Variants in THSD4 observed in about 807,000 individuals in gnomAD.
THSD4 encodes thrombospondin type 1 domain containing 4.
In THSD4, 69 loss-of-function variants were observed where a neutral mutation model predicts 119.0. The ratio of observed to expected loss-of-function variants is 0.58; its 90% CI spans 0.48 to 0.71. THSD4 has a LOEUF of 0.71. THSD4 is among the 30% of genes least tolerant of loss of function. The probability of loss-of-function intolerance (pLI) is 0.00; values close to 1 mark genes in which losing one functional copy is unlikely to be tolerated. For synonymous variants in THSD4, 524 were observed against 540.4 expected (o/e 0.97, Z 0.42); for missense variants, 1,393 against 1,391.1 (o/e 1.00, Z -0.02).
intron 7 of THSD4, among the ~76,000 whole-genome samples, chr15:71,536,788 T>G (rs1164371484): frequency 6.6e-6 from 1 of 152,184 alleles, no homozygotes; most frequent in Admixed American, 6.5e-5. Context: ...TGATGTGTTT[T>G]GAGTTAATTT....
intron 8 of THSD4, among the ~76,000 whole-genome samples, chr15:71,676,193 T>A (rs538964908): frequency 1.3e-5 from 2 of 152,370 alleles, no homozygotes; most frequent in South Asian, 4.1e-4. Context: ...TGTGGTAAAA[T>A]ATATATAAAC....
intron 8 of THSD4, among the ~76,000 whole-genome samples, chr15:71,703,334 TA>T (rs1304975216): frequency 6.6e-6 from 1 of 152,210 alleles, no homozygotes; most frequent in African/African-American, 2.4e-5. Context: ...TATTATTATT[TA>T]ATTTTTCTGT....
At chr15:71,661,203 ATAG>A (rs969130077) in intron 8 of THSD4, among the ~76,000 whole-genome samples, 3 of 152,142 alleles carry the variant, frequency 2.0e-5, no homozygotes, top group African/African-American at 7.2e-5. Context: ...AGACCTATAC[ATAG>A]TAGTGTGCAT....
chr15:71,383,495 C>T (rs531850567), intron 6 of THSD4, among the ~76,000 whole-genome samples: 28 of 152,106 alleles, frequency 1.8e-4, no homozygotes, highest in Non-Finnish European at 2.8e-4. Flanking sequence ...TGATATATTG[C>T]GATATAAATT....
chr15:71,538,014 C>T (rs2048709216), intron 7 of THSD4, among the ~76,000 whole-genome samples: 1 of 152,104 alleles, frequency 6.6e-6, no homozygotes, highest in Non-Finnish European at 1.5e-5. Flanking sequence ...CCTACCTCGG[C>T]CTTCCAAAGT....
chr15:71,274,985 C>T (rs1014841690), intron 6 of THSD4, among the ~76,000 whole-genome samples: 1 of 152,074 alleles, frequency 6.6e-6, no homozygotes, highest in Non-Finnish European at 1.5e-5. Flanking sequence ...TACTGAGACC[C>T]GATCCTATTG....
At chr15:71,548,209 C>G (rs11632053) in intron 7 of THSD4, among the ~76,000 whole-genome samples, 32,809 of 151,580 alleles carry the variant, frequency 0.22, 3,665 homozygotes, top group Non-Finnish European at 0.24. Flanking sequence ...CTTGGTGTAT[C>G]CACCCTCACC....
At position 71,468,532 on chromosome 15, in the gene THSD4, A is replaced by G. The variant is rs1220252300; in HGVS notation, c.1152+56709A>G. Among the ~76,000 whole-genome samples the G allele has an allele frequency of 2.6e-5, 4 of 152,010 alleles. 1 individual carries two copies. The highest frequency in any genetic ancestry group is 9.7e-5 in the African/African-American group (4 of 41,366). On this transcript the variant is annotated intron_variant, in intron 7 of 17. Transcript: ENST00000261862. ...CCTTCAAGGGCTCAGCCCTCACTTC[A>G]CTCCCTTGTTCCTATTTCCTATTAA...
intron 6 of THSD4, among the ~76,000 whole-genome samples, chr15:71,330,877 AAC>A (rs2045411401): frequency 6.6e-6 from 1 of 152,096 alleles, no homozygotes; most frequent in African/African-American, 2.4e-5. Flanking sequence ...TTTCAAATAA[AAC>A]AGACACCAGT....
At chr15:71,125,603 G>T (rs1204489436) in intron 1 of THSD4, among the ~76,000 whole-genome samples, 1 of 152,240 alleles carries the variant, frequency 6.6e-6, no homozygotes, top group Admixed American at 6.5e-5. Flanking sequence ...GCTGTGCTGA[G>T]ACCGCGGCTG....
chr15:71,345,233 A>G (rs1474631581), intron 6 of THSD4, among the ~76,000 whole-genome samples: 2 of 151,694 alleles, frequency 1.3e-5, no homozygotes, highest in Admixed American at 1.3e-4. Context: ...AAAGGGAAGG[A>G]TTGATTGTGA....
chr15:71,104,885 G>A (rs1212992075), intron 1 of THSD4, among the ~76,000 whole-genome samples: 1 of 152,192 alleles, frequency 6.6e-6, no homozygotes, highest in Non-Finnish European at 1.5e-5. Context: ...AGGTCAGAGT[G>A]ACCCGTAGGG....
chr15:71,174,189 G>C (rs928280647), intron 3 of THSD4, among the ~76,000 whole-genome samples: 3 of 152,050 alleles, frequency 2.0e-5, no homozygotes, highest in African/African-American at 2.4e-5. Flanking sequence ...AGCTCCCAGC[G>C]TGAGCGACGC....
chr15:71,448,190 A>G (rs1383074232), intron 7 of THSD4, among the ~76,000 whole-genome samples: 3 of 152,232 alleles, frequency 2.0e-5, no homozygotes, highest in Admixed American at 2.0e-4. Context: ...GAAGTCTTGT[A>G]TTATATACTA....
chr15:71,198,733 G>T lies in THSD4; in HGVS notation c.100-16302G>T, dbSNP rs567798631. On this transcript the variant is annotated intron_variant, in intron 3 of 17. Coordinates refer to ENST00000261862, the MANE Select transcript of THSD4 (RefSeq NM_024817.3). Reference sequence around the variant, plus strand: ...CAGGAACCCCAGCTGGCATATGTGGGCTCTAGGTAGAGTTAAGTCTTGTAG... The same window carrying T: ...CAGGAACCCCAGCTGGCATATGTGGTCTCTAGGTAGAGTTAAGTCTTGTAG... Among the ~76,000 whole-genome samples, 4 of 152,286 alleles carry T rather than the reference G, an allele frequency of 2.6e-5. No homozygotes were observed. In the East Asian group the frequency reaches 7.7e-4, roughly 29 times the overall value.
At chr15:71,579,001 A>T (rs2049509632) in intron 7 of THSD4, among the ~76,000 whole-genome samples, 2 of 151,630 alleles carry the variant, frequency 1.3e-5, no homozygotes, top group African/African-American at 4.8e-5. Context: ...CAGCTATCAC[A>T]CCCGGCTAAT....
At chr15:71,607,135 C>G (rs1433103758) in intron 7 of THSD4, among the ~76,000 whole-genome samples, 1 of 152,094 alleles carries the variant, frequency 6.6e-6, no homozygotes, top group Non-Finnish European at 1.5e-5. Context: ...CACCAGAGAG[C>G]CGTTATGCCT....
intron 3 of THSD4, among the ~76,000 whole-genome samples, chr15:71,206,794 T>C (rs1041160922): frequency 6.6e-6 from 1 of 152,232 alleles, no homozygotes; most frequent in East Asian, 1.9e-4. Flanking sequence ...CCTCCCACTC[T>C]CCACAATCTG....
intron 6 of THSD4, among the ~76,000 whole-genome samples, chr15:71,410,907 C>T (rs1172955657): frequency 6.6e-6 from 1 of 152,004 alleles, no homozygotes; most frequent in African/African-American, 2.4e-5. Context: ...AATTAGCTGG[C>T]TGTGTTGGCA....
Sources: gnomAD v4.1 joint callset for allele counts (sites outside exome capture counted in the v4.1 genomes callset) on GRCh38, gnomAD v4.1.1 for gene constraint, MANE v1.5 for transcripts, NCBI Gene and HGNC (gene_info 2026-07-23, HGNC 2026-07-21) for gene names.